Variants in FANCI observed in about 807,000 individuals in gnomAD.
FANCI encodes the protein Fanconi anemia group I protein.
In FANCI, 156 loss-of-function variants were observed where a neutral mutation model predicts 176.1. That is an observed-to-expected ratio of 0.89 (90% confidence interval 0.78 to 1.01). The LOEUF (loss-of-function observed/expected upper bound fraction) is 1.01. FANCI is among the 50% of genes least tolerant of loss of function. FANCI has a pLI of 0.00. For missense variants in FANCI, 1,678 were observed against 1,534.1 expected (o/e 1.09, Z -1.57); for synonymous variants, 613 against 541.7 (o/e 1.13, Z -1.83).
chr15:89,248,170 G>A (rs1772572492), intron 2 of FANCI, among the ~76,000 whole-genome samples: 1 of 152,104 alleles, frequency 6.6e-6, no homozygotes, highest in Non-Finnish European at 1.5e-5. Context: ...AAAAATTAGG[G>A]CCTCTGTTTT....
chr15:89,297,811 T>A (rs1430243859), intron 24 of FANCI, among the ~76,000 whole-genome samples: 8 of 149,242 alleles, frequency 5.4e-5, no homozygotes, highest in Non-Finnish European at 1.0e-4. Flanking sequence ...TTTTTTTGTT[T>A]TTGTTTTTTT....
intron 34 of FANCI, among the ~76,000 whole-genome samples, chr15:89,309,469 G>A (rs1230119738): frequency 6.6e-6 from 1 of 152,168 alleles, no homozygotes; most frequent in Non-Finnish European, 1.5e-5. Flanking sequence ...AAGGTGCTGA[G>A]ACCAGTCATG....
intron 16 of FANCI, 180 bp downstream of exon 16, chr15:89,282,015 C>G (rs953504590): frequency 1.6e-6 from 1 of 613,182 alleles, no homozygotes; most frequent in East Asian, 2.9e-5. Context: ...TTCATTTAGT[C>G]TTCAGAGCAA....
chr15:89,290,587 C>T (rs991499463), intron 19 of FANCI: 20 of 282,018 alleles, frequency 7.1e-5, no homozygotes, highest in African/African-American at 4.1e-4. Context: ...TGTTATATTT[C>T]TGAAAGAAAA....
chr15:89,296,609 T>C (rs35266553), intron 24 of FANCI, among the ~76,000 whole-genome samples: 66,491 of 151,914 alleles, frequency 0.44, 14,902 homozygotes, highest in African/African-American at 0.53. Flanking sequence ...TACATAGACA[T>C]GGCAACCATC....
intron 9 of FANCI, among the ~76,000 whole-genome samples, chr15:89,265,435 G>A (rs2052899631): frequency 6.6e-6 from 1 of 151,766 alleles, no homozygotes; most frequent in Non-Finnish European, 1.5e-5. Context: ...TCAAACTCCT[G>A]GCCTGAAGTG....
At position 89,312,923 on chromosome 15, in the gene FANCI, A is replaced by C. The variant is rs780218001; in HGVS notation, c.3671A>C (p.Asn1224Thr). The change falls in exon 35 of 38, where the codon AAC becomes ACC. Residue 1224 changes from asparagine to threonine, a missense_variant. Coordinates refer to ENST00000310775, the MANE Select transcript of FANCI (RefSeq NM_001113378.2). Reference protein sequence around the residue: ...SYVQNKSKSLNYTGEKKEKPA... With the variant: ...SYVQNKSKSLTYTGEKKEKPA... The stretch of plus-strand genomic sequence containing the variant: ...CTTTAGAATAAGAGTAAGAGCCTGA[A>C]CTATACGGGAGAGAAAAAGGAGAAA... The C allele has an allele frequency of 5.3e-5, 86 of 1,613,846 alleles. No homozygotes were observed. Among genetic ancestry groups the C allele is most frequent in the Non-Finnish European group, 7.3e-5 (86 of 1,179,866 alleles).
In FANCI at chr15:89,317,092, G is replaced by A. The variant is rs1483516504; in HGVS notation, c.*633G>A. 6 of 590,856 alleles carry A rather than the reference G, an allele frequency of 1.0e-5. No individual in the cohort carries two copies. The highest frequency in any genetic ancestry group is 1.8e-5 in the Non-Finnish European group (6 of 334,264). The allele number at this position is 590,856 out of a possible 1,614,324, so 36.6% of individuals were successfully genotyped here. ...TTTGTTTTTCTGTCACCTATAGAGT[G>A]CAAGAATGCACTCTATAGAATAAAT... On this transcript the variant is annotated 3_prime_UTR_variant, in exon 38 of 38. Transcript: ENST00000310775.
chr15:89,306,299 G>A (rs1325811540), intron 32 of FANCI, 105 bp downstream of exon 32: 5 of 1,175,066 alleles, frequency 4.3e-6, no homozygotes, highest in South Asian at 3.8e-5. Context: ...CTAAACAAGA[G>A]AGCATTTGCC....
chr15:89,281,425 A>G, intron 15 of FANCI, 125 bp downstream of exon 15: 1 of 1,257,202 alleles, frequency 8.0e-7, no homozygotes, highest in Middle Eastern at 1.9e-4. Context: ...CTGAAACATA[A>G]AATTTGCATT....
intron 35 of FANCI, among the ~76,000 whole-genome samples, chr15:89,313,512 A>T (rs911916743): frequency 3.3e-5 from 5 of 152,206 alleles, no homozygotes; most frequent in African/African-American, 1.2e-4. Flanking sequence ...TTTTAGGTAA[A>T]GTTGGTGAAT....
chr15:89,306,438 TC>T (rs1405457911), intron 32 of FANCI, among the ~76,000 whole-genome samples: 24 of 152,102 alleles, frequency 1.6e-4, no homozygotes, highest in Non-Finnish European at 4.4e-5. Flanking sequence ...ATGCCTGTAA[TC>T]CCAGCACTTT....
chr15:89,269,563 G>T (rs951106122), intron 10 of FANCI, among the ~76,000 whole-genome samples: 21 of 151,888 alleles, frequency 1.4e-4, no homozygotes, highest in African/African-American at 5.1e-4. Flanking sequence ...CTCACGATTG[G>T]GTTCAAGTTA....
rs751025656 is a variant in FANCI, at chr15:89,312,961, G to A, written c.3709G>A (p.Ala1237Thr). ...GAAAAAGGAGAAACCTGCTGCCGTT[G>A]CCACAGCCATGGTAAGCTGCTGACA... ...GEKKEKPAAV[A>T]TAMARVLRET... is the part of the protein sequence containing the mutation. Residue 1237 changes from alanine (A) to threonine (T), a missense_variant, in exon 35 of 38, where the codon GCC becomes ACC. Physicochemically the swap from Ala to Thr is moderately conservative, Grantham distance 58 (BLOSUM62 0). This residue lies in a region of FANCI where 1,204 missense variants were observed against 1,077.4 expected (regional missense o/e 1.12). Coordinates refer to ENST00000310775, the MANE Select transcript of FANCI (RefSeq NM_001113378.2). 3 of 1,614,018 alleles carry A rather than the reference G, an allele frequency of 1.9e-6. No individual in the cohort carries two copies. The highest frequency in any genetic ancestry group is 2.5e-6 in the Non-Finnish European group (3 of 1,179,970).
intron 37 of FANCI, 75 bp downstream of exon 37, chr15:89,315,464 A>G (rs746412672): frequency 3.0e-6 from 3 of 1,014,214 alleles, no homozygotes; most frequent in Non-Finnish European, 3.1e-6. Context: ...GCAGTCACAG[A>G]TTAGTGGAAG....
intron 34 of FANCI, among the ~76,000 whole-genome samples, chr15:89,310,595 T>C (rs1169691601): frequency 6.6e-6 from 1 of 152,238 alleles, no homozygotes; most frequent in Non-Finnish European, 1.5e-5. Context: ...CATTTTTCTG[T>C]TTTTGTGAGA....
intron 24 of FANCI, among the ~76,000 whole-genome samples, chr15:89,295,977 C>T (rs1284841845): frequency 1.3e-5 from 2 of 151,844 alleles, no homozygotes; most frequent in Admixed American, 6.6e-5. Context: ...TTATTTACTA[C>T]TTTTTTTGGA....
chr15:89,311,916 T>C (rs2054980071), intron 34 of FANCI, among the ~76,000 whole-genome samples: 2 of 152,202 alleles, frequency 1.3e-5, no homozygotes, highest in Admixed American at 1.3e-4. Flanking sequence ...CTCCCCAGTC[T>C]CTCCTGACTC....
At chr15:89,292,435 C>T (rs1321002874) in intron 20 of FANCI, among the ~76,000 whole-genome samples, 3 of 152,102 alleles carry the variant, frequency 2.0e-5, no homozygotes, top group Non-Finnish European at 4.4e-5. Flanking sequence ...TTTATCAGAC[C>T]AGAGATAGCA....
Sources: gnomAD v4.1 joint callset for allele counts (sites outside exome capture counted in the v4.1 genomes callset) on GRCh38, gnomAD v4.1.1 for gene constraint, gnomAD v4.1.1 regional missense constraint, MANE v1.5 for transcripts, NCBI Gene and HGNC (gene_info 2026-07-23, HGNC 2026-07-21) for gene names.